Variants in ATP8B4 observed in about 807,000 individuals in gnomAD.
ATP8B4 encodes the protein probable phospholipid-transporting ATPase IM.
ATP8B4 carries 133 observed loss-of-function variants against 145.6 expected under a neutral mutation model. The ratio of observed to expected loss-of-function variants is 0.91; its 90% CI spans 0.79 to 1.05. The LOEUF (loss-of-function observed/expected upper bound fraction) is 1.05, where lower values mean the gene tolerates loss of function less well. ATP8B4 is among the 50% of genes least tolerant of loss of function. The pLI is 0.00. For missense variants in ATP8B4, 1,458 were observed against 1,425.2 expected, an observed-to-expected ratio of 1.02 and a Z score of -0.37; for synonymous variants, 507 against 492.9, an observed-to-expected ratio of 1.03 and a Z score of -0.38.
At chr15:49,872,794 G>C (rs2033857821) in intron 25 of ATP8B4, among the ~76,000 whole-genome samples, 2 of 151,982 alleles carry the variant, frequency 1.3e-5, no homozygotes, top group Non-Finnish European at 2.9e-5. Flanking sequence ...TCCTGGATTG[G>C]ATCCTGGATT....
intron 20 of ATP8B4, among the ~76,000 whole-genome samples, chr15:49,909,726 A>C (rs1004506012): frequency 6.7e-6 from 1 of 149,978 alleles, no homozygotes; most frequent in Non-Finnish European, 1.5e-5. Context: ...GTTTACCAAA[A>C]AAAAAAAAAA....
chr15:49,995,900 C>G (rs1455859275), intron 9 of ATP8B4, among the ~76,000 whole-genome samples: 1 of 152,038 alleles, frequency 6.6e-6, no homozygotes, highest in African/African-American at 2.4e-5. Flanking sequence ...GCCTAAAATC[C>G]TACAATCAGT....
intron 17 of ATP8B4, among the ~76,000 whole-genome samples, chr15:49,920,881 G>A (rs950660465): frequency 2.0e-5 from 3 of 152,282 alleles, no homozygotes; most frequent in African/African-American, 7.2e-5. Context: ...GCTCTCCCCA[G>A]GAACCACAAC....
At chr15:50,091,324 T>A (rs1256708290) in intron 2 of ATP8B4, among the ~76,000 whole-genome samples, 3 of 152,138 alleles carry the variant, frequency 2.0e-5, no homozygotes, top group Non-Finnish European at 4.4e-5. Context: ...AAATACTGGA[T>A]CAAAGGGGTG....
At chr15:50,157,448 C>G (rs1268156526) in intron 1 of ATP8B4, among the ~76,000 whole-genome samples, 1 of 152,134 alleles carries the variant, frequency 6.6e-6, no homozygotes, top group East Asian at 1.9e-4. Context: ...TGCTTCAGAT[C>G]CCACTTCTTT....
intron 1 of ATP8B4, among the ~76,000 whole-genome samples, chr15:50,129,659 C>T (rs1215474229): frequency 1.3e-5 from 2 of 152,048 alleles, no homozygotes; most frequent in Non-Finnish European, 2.9e-5. Flanking sequence ...AATTTTGGGC[C>T]ACACTATTCA....
chr15:50,107,148 A>C (rs776438857), intron 1 of ATP8B4, 140 bp from the exon 2 acceptor site: 64 of 509,518 alleles, frequency 1.3e-4, no homozygotes, highest in Non-Finnish European at 1.9e-4. Flanking sequence ...TTAATTTATG[A>C]GGCTTTAGTC....
chr15:49,942,137 G>A (rs374644195), intron 14 of ATP8B4, among the ~76,000 whole-genome samples: 6 of 152,068 alleles, frequency 3.9e-5, no homozygotes, highest in South Asian at 2.1e-4. Context: ...CAGACTTCAC[G>A]ACTGCAATTC....
intron 3 of ATP8B4, among the ~76,000 whole-genome samples, chr15:50,067,065 TAACA>T (rs2053433162): frequency 6.6e-6 from 1 of 152,068 alleles, no homozygotes; most frequent in South Asian, 2.1e-4. Context: ...TCCCACTCTC[TAACA>T]AACTGAGTTT....
At chr15:50,130,544 A>T (rs1474819908) in intron 1 of ATP8B4, among the ~76,000 whole-genome samples, 1 of 152,120 alleles carries the variant, frequency 6.6e-6, no homozygotes, top group Non-Finnish European at 1.5e-5. Flanking sequence ...TGGGAGGCTG[A>T]GGCGAGCGGA....
At chr15:49,997,110 G>C (rs573103538) in intron 8 of ATP8B4, among the ~76,000 whole-genome samples, 1 of 152,252 alleles carries the variant, frequency 6.6e-6, no homozygotes, top group African/African-American at 2.4e-5. Context: ...CCAAATAAAG[G>C]AGGCTAATAT....
intron 5 of ATP8B4, among the ~76,000 whole-genome samples, chr15:50,043,685 G>A (rs1360153195): frequency 6.6e-6 from 1 of 152,102 alleles, no homozygotes; most frequent in Non-Finnish European, 1.5e-5. Context: ...CGGGCGCGGT[G>A]GCTCACGCCT....
chr15:50,130,548 G>A (rs574209323), intron 1 of ATP8B4, among the ~76,000 whole-genome samples: 10 of 152,032 alleles, frequency 6.6e-5, no homozygotes, highest in Non-Finnish European at 8.8e-5. Flanking sequence ...AGGCTGAGGC[G>A]AGCGGATCAC....
chr15:50,000,740 G>T (rs1328959887), intron 8 of ATP8B4, among the ~76,000 whole-genome samples: 1 of 151,890 alleles, frequency 6.6e-6, no homozygotes, highest in East Asian at 1.9e-4. Flanking sequence ...TCCTTTTATG[G>T]ATTATGTTTA....
chr15:49,933,449 C>T lies in ATP8B4; in HGVS notation c.1453+568G>A, dbSNP rs78343070. Among the ~76,000 whole-genome samples, 22 of 152,086 alleles carry T rather than the reference C, an allele frequency of 1.4e-4. No homozygotes were observed. The East Asian group carries it at 3.7e-3, about 25-fold the overall frequency. ...GCTTCAAAATGTTAAGTGGCCCAAG[C>T]GGTTTTGTTCTATCCTATGAACCCT... is the stretch of plus-strand genomic sequence containing the variant. On this transcript the variant is annotated intron_variant, in intron 15 of 27. Coordinates refer to ENST00000284509, the MANE Select transcript of ATP8B4 (RefSeq NM_024837.4).
At chr15:49,953,788 C>T (rs9646199) in intron 14 of ATP8B4, among the ~76,000 whole-genome samples, 33,511 of 152,118 alleles carry the variant, frequency 0.22, 4,838 homozygotes, top group Non-Finnish European at 0.31. Context: ...GTGCACATTC[C>T]GGAGTTGGGA....
chr15:49,920,384 G>C lies in ATP8B4; in HGVS notation c.1785C>G (p.Thr595=). ...CCAGGTCTCTGTATGCGATGGCCAA[G>C]GTCCGAAGGCCTTCCCCTGCAAATT... ...LSEFAGEGLR[T]LAIAYRDLDD... The change falls in exon 18 of 28, where the codon ACC becomes ACG. Residue 595 remains threonine, a synonymous_variant. Coordinates refer to ENST00000284509, the MANE Select transcript of ATP8B4 (RefSeq NM_024837.4). 2 of 1,614,028 alleles carry C rather than the reference G, an allele frequency of 1.2e-6. No homozygotes were observed. The highest frequency in any genetic ancestry group is 1.7e-6 in the Non-Finnish European group (2 of 1,179,980).
intron 9 of ATP8B4, among the ~76,000 whole-genome samples, chr15:49,996,027 CTT>C (rs2047398042): frequency 6.6e-6 from 1 of 151,990 alleles, no homozygotes; most frequent in Non-Finnish European, 1.5e-5. Context: ...TTAAGAATAA[CTT>C]TAACAGAATA....
chr15:50,118,545 T>G (rs2057220149), intron 1 of ATP8B4, among the ~76,000 whole-genome samples: 1 of 152,176 alleles, frequency 6.6e-6, no homozygotes, highest in South Asian at 2.1e-4. Context: ...TTCACCAGTT[T>G]TCTTTTCTTC....
Sources: gnomAD v4.1 joint callset for allele counts (sites outside exome capture counted in the v4.1 genomes callset) on GRCh38, gnomAD v4.1.1 for gene constraint, MANE v1.5 for transcripts, NCBI Gene and HGNC (gene_info 2026-07-23, HGNC 2026-07-21) for gene names.